The following DNAH14 variants were observed in gnomAD, a reference collection of about 807,000 sequenced individuals.
The protein encoded by DNAH14 is dynein axonemal heavy chain 14, also known as axonemal beta dynein heavy chain 14.
In DNAH14, 478 loss-of-function variants were observed where a neutral mutation model predicts 520.9. The ratio of observed to expected loss-of-function variants is 0.92; its 90% CI spans 0.85 to 0.99. The LOEUF (loss-of-function observed/expected upper bound fraction) is 0.99. DNAH14 is among the 50% of genes least tolerant of loss of function. The pLI, the probability that DNAH14 is intolerant of heterozygous loss-of-function variation, is 0.00. For synonymous variants in DNAH14, 1,581 were observed against 1,757.2 expected (o/e 0.90, Z 2.51); for missense variants, 4,831 against 5,234.5 (o/e 0.92, Z 2.38).
intron 23 of DNAH14, 89 bp from the exon 24 acceptor site, chr1:225,117,595 T>A (rs2076961249): frequency 1.3e-6 from 1 of 772,772 alleles, no homozygotes; most frequent in Non-Finnish European, 2.1e-6. Context: ...ATTGTGGCTT[T>A]TGTTTGTAAG....
chr1:225,309,398 G>T (rs1162588383), intron 60 of DNAH14, among the ~76,000 whole-genome samples: 1 of 152,176 alleles, frequency 6.6e-6, no homozygotes, highest in East Asian at 1.9e-4. Flanking sequence ...TAACAGAAGA[G>T]GCAAATCCCT....
intron 11 of DNAH14, among the ~76,000 whole-genome samples, chr1:225,037,711 T>A (rs2067099225): frequency 6.6e-6 from 1 of 152,188 alleles, no homozygotes; most frequent in South Asian, 2.1e-4. Flanking sequence ...AGACGGAGTT[T>A]CACTCTTATT....
In DNAH14 at chr1:225,079,261, T is replaced by C; in HGVS notation, c.2479T>C (p.Phe827Leu). Residue 827 changes from phenylalanine to leucine, a missense_variant, in exon 18 of 86, where the codon TTT becomes CTT. Coordinates refer to ENST00000682510, the MANE Select transcript of DNAH14 (RefSeq NM_001367479.1). ...LECDPTEIEE[F>L]LEHFIFLNAI... is the part of the protein sequence containing the mutation. Reference sequence around the variant, plus strand: ...ATGTGATCCCACTGAAATAGAAGAATTTCTGGAGCATTTTATTTTTTTGAA... The same window carrying C: ...ATGTGATCCCACTGAAATAGAAGAACTTCTGGAGCATTTTATTTTTTTGAA... 6.5e-7 allele frequency: 1 copy of C among 1,548,538 alleles called. No homozygotes were observed. The highest frequency in any genetic ancestry group is 8.7e-7 in the Non-Finnish European group (1 of 1,146,398).
chr1:225,093,518 C>T (rs1281137639), intron 21 of DNAH14, among the ~76,000 whole-genome samples: 1 of 152,122 alleles, frequency 6.6e-6, no homozygotes, highest in Non-Finnish European at 1.5e-5. Flanking sequence ...AAACCCGCAG[C>T]CAACATCATA....
At chr1:225,224,844 G>T (rs2090389477) in intron 41 of DNAH14, among the ~76,000 whole-genome samples, 1 of 152,146 alleles carries the variant, frequency 6.6e-6, no homozygotes, top group Non-Finnish European at 1.5e-5. Context: ...CATCAATATT[G>T]TTAGTGACTG....
At chr1:225,020,997 T>C (rs2065643115) in intron 10 of DNAH14, among the ~76,000 whole-genome samples, 4 of 151,796 alleles carry the variant, frequency 2.6e-5, no homozygotes, top group Admixed American at 1.3e-4. Flanking sequence ...GTTTAACATA[T>C]GCAAATCAAT....
chr1:225,265,269 AT>A lies in DNAH14; in HGVS notation c.7314del (p.Phe2438LeufsTer5). On this transcript the variant is annotated frameshift_variant, in exon 48 of 86. Transcript: ENST00000682510. LOFTEE classifies it high-confidence loss of function. ...DHKGVVVSTINFSTNVTAAKT... is the reference protein window; with the variant it reads ...DHKGVVVSTIXFSTNVTAAKT... ...AAAGGAGTTGTAGTCTCTACAATAA[AT>A]TTTAGCACCAATGTAACAGCTGCCA... 6.5e-7 allele frequency: 1 copy of A among 1,544,676 alleles called. No individual in the cohort carries two copies. Among genetic ancestry groups the A allele is most frequent in the South Asian group, 1.2e-5 (1 of 82,076 alleles).
intron 10 of DNAH14, among the ~76,000 whole-genome samples, chr1:225,018,449 C>T (rs1572497325): frequency 6.6e-6 from 1 of 152,142 alleles, no homozygotes; most frequent in Admixed American, 6.5e-5. Context: ...AAGAGGAGAG[C>T]AAGCCACTTT....
chr1:225,307,313 T>C (rs959560940), intron 58 of DNAH14, 148 bp from the exon 59 acceptor site: 57 of 597,116 alleles, frequency 9.5e-5, no homozygotes, highest in Admixed American at 1.4e-4. Flanking sequence ...ATTATATTGA[T>C]TGACTTTCAA....
At chr1:225,184,290 T>C (rs1006287541) in intron 36 of DNAH14, among the ~76,000 whole-genome samples, 1 of 151,646 alleles carries the variant, frequency 6.6e-6, no homozygotes, top group African/African-American at 2.4e-5. Context: ...CATATGCAAA[T>C]TAATGAATGT....
intron 26 of DNAH14, 50 bp downstream of exon 26, chr1:225,119,344 G>A (rs1421213466): frequency 7.9e-7 from 1 of 1,262,362 alleles, no homozygotes; most frequent in East Asian, 2.7e-5. Flanking sequence ...ATATATACTT[G>A]CACATATATA....
At position 225,214,371 on chromosome 1, in the gene DNAH14, T is replaced by G. The variant is rs566732212; in HGVS notation, c.6439+7151T>G. On this transcript the variant is annotated intron_variant, in intron 41 of 85. Transcript: ENST00000682510. ...CAAGGATATTGGTCTAAAATTCTCT[T>G]TTTTGGTTGTGTCTCTGCCCAGCTT... 2.0e-5 allele frequency among the ~76,000 whole-genome samples: 3 copies of G among 152,266 alleles called. No homozygotes were observed. In the East Asian group the frequency reaches 5.8e-4, roughly 29 times the overall value.
intron 1 of DNAH14, among the ~76,000 whole-genome samples, chr1:224,949,391 T>A (rs1016464570): frequency 6.6e-6 from 1 of 152,194 alleles, no homozygotes; most frequent in Non-Finnish European, 1.5e-5. Context: ...TGAACATATG[T>A]TCATTCTGCT....
Position 225,089,665 on chromosome 1 carries a change from G to C in DNAH14, c.3573+3876G>C, listed in dbSNP as rs2074195282. Reference sequence around the variant, plus strand: ...GAGAGATTAATTTGAGAAATGCAAGGTTGGTTTAACATTCAAAAATCAATC... The same window carrying C: ...GAGAGATTAATTTGAGAAATGCAAGCTTGGTTTAACATTCAAAAATCAATC... On this transcript the variant is annotated intron_variant, in intron 21 of 85. Coordinates refer to ENST00000682510, the MANE Select transcript of DNAH14 (RefSeq NM_001367479.1). 2.6e-5 allele frequency among the ~76,000 whole-genome samples: 4 copies of C among 152,062 alleles called. No homozygotes were observed. The South Asian group carries it at 8.3e-4, about 32-fold the overall frequency.
At chr1:225,264,324 ATTAT>A in intron 47 of DNAH14, 63 bp downstream of exon 47, 1 of 1,245,902 alleles carries the variant, frequency 8.0e-7, no homozygotes, top group East Asian at 2.6e-5. Flanking sequence ...CCATGTGTAT[ATTAT>A]TTCTTACATT....
chr1:225,359,712 C>T (rs1226730434), intron 74 of DNAH14, among the ~76,000 whole-genome samples: 1 of 152,192 alleles, frequency 6.6e-6, no homozygotes, highest in African/African-American at 2.4e-5. Flanking sequence ...GAAGACTTAG[C>T]CCATGATGGT....
In DNAH14 at chr1:224,955,145, T is replaced by A. The variant is rs745794098; in HGVS notation, c.217+47T>A. 6 of 1,570,872 alleles carry A rather than the reference T, an allele frequency of 3.8e-6. No individual in the cohort carries two copies. The Admixed American group carries it at 1.2e-4, about 32-fold the overall frequency. On this transcript the variant is annotated intron_variant, in intron 3 of 85. Coordinates refer to ENST00000682510, the MANE Select transcript of DNAH14 (RefSeq NM_001367479.1). Reference sequence around the variant, plus strand: ...CTGGCATGTTGATTTATATTTTAGTTTATGGAAATTGAAAGAAATTTTTCA... The same window carrying A: ...CTGGCATGTTGATTTATATTTTAGTATATGGAAATTGAAAGAAATTTTTCA...
intron 4 of DNAH14, among the ~76,000 whole-genome samples, chr1:224,961,812 T>C (rs900179982): frequency 3.3e-5 from 5 of 152,136 alleles, no homozygotes; most frequent in African/African-American, 4.8e-5. Flanking sequence ...CATTAAGAAT[T>C]CTTAATATTT....
At chr1:224,962,929 G>A (rs187002881) in intron 4 of DNAH14, among the ~76,000 whole-genome samples, 105 of 152,092 alleles carry the variant, frequency 6.9e-4, no homozygotes, top group African/African-American at 2.4e-3. Context: ...ATACTTTCAC[G>A]ATATTACACA....
Sources: gnomAD v4.1 joint callset for allele counts (sites outside exome capture counted in the v4.1 genomes callset) on GRCh38, gnomAD v4.1.1 for gene constraint, MANE v1.5 for transcripts, NCBI Gene and HGNC (gene_info 2026-07-23, HGNC 2026-07-21) for gene names.